CACNA2D3: variants seen among roughly 807,000 people sequenced by gnomAD.
CACNA2D3 encodes the protein voltage-dependent calcium channel subunit alpha-2/delta-3.
In CACNA2D3, 60 loss-of-function variants were observed where a neutral mutation model predicts 160.6. The ratio of observed to expected loss-of-function variants is 0.37; its 90% CI spans 0.30 to 0.46. The LOEUF (loss-of-function observed/expected upper bound fraction) is 0.46. Ranked by LOEUF, CACNA2D3 falls within the 20% of genes least tolerant of loss-of-function variation. The pLI is 1.00. For missense variants in CACNA2D3, 1,205 were observed against 1,365.0 expected, an observed-to-expected ratio of 0.88 and a Z score of 1.85; for synonymous variants, 558 against 492.9, an observed-to-expected ratio of 1.13 and a Z score of -1.75.
intron 27 of CACNA2D3, among the ~76,000 whole-genome samples, chr3:54,945,362 A>T (rs1701586871): frequency 6.6e-6 from 1 of 152,188 alleles, no homozygotes; most frequent in Non-Finnish European, 1.5e-5. Flanking sequence ...CTTGGCCTCG[A>T]AAGTGGCCAA....
intron 2 of CACNA2D3, among the ~76,000 whole-genome samples, chr3:54,142,046 T>A (rs1404330630): frequency 6.6e-6 from 1 of 152,222 alleles, no homozygotes; most frequent in Admixed American, 6.5e-5. Flanking sequence ...CCTGAAGACC[T>A]GCTCTGGTCT....
chr3:54,785,195 T>C (rs1049413202), intron 13 of CACNA2D3, among the ~76,000 whole-genome samples: 4 of 152,260 alleles, frequency 2.6e-5, no homozygotes, highest in Admixed American at 6.5e-5. Context: ...CTGAAAGATA[T>C]GTTTCTGCCA....
intron 2 of CACNA2D3, among the ~76,000 whole-genome samples, chr3:54,208,947 T>C (rs1701322069): frequency 6.6e-6 from 1 of 152,108 alleles, no homozygotes; most frequent in Non-Finnish European, 1.5e-5. Flanking sequence ...TCTTACATGG[T>C]GGCAGACAAG....
rs1408536918 is a variant in CACNA2D3 at position 54,562,905 on chromosome 3, C to G, written c.650C>G (p.Ala217Gly). 11 of 1,613,556 alleles carry G rather than the reference C, an allele frequency of 6.8e-6. No individual in the cohort carries two copies. Among genetic ancestry groups the G allele is most frequent in the Non-Finnish European group, 8.5e-6 (10 of 1,179,702 alleles). Reference protein sequence around the residue: ...PSLIWQYFGSAKGFFRQYPGI... With the variant: ...PSLIWQYFGSGKGFFRQYPGI... ...CTCATATGGCAGTACTTTGGAAGTG[C>G]AAAGGGCTTTTTTAGGCAGTATCCG... Residue 217 changes from alanine (A) to glycine (G), a missense_variant, in exon 6 of 38, where the codon GCA becomes GGA. This residue lies in a region of CACNA2D3 where 131 missense variants were observed against 201.5 expected (regional missense o/e 0.65). Coordinates refer to ENST00000474759, the MANE Select transcript of CACNA2D3 (RefSeq NM_018398.3).
chr3:54,691,704 G>T (rs538864145), intron 11 of CACNA2D3, among the ~76,000 whole-genome samples: 1 of 152,200 alleles, frequency 6.6e-6, no homozygotes, highest in Non-Finnish European at 1.5e-5. Context: ...AGAGGAGCCA[G>T]CTCTGGGGCC....
At chr3:54,662,119 A>C (rs1184124362) in intron 11 of CACNA2D3, among the ~76,000 whole-genome samples, 1 of 151,970 alleles carries the variant, frequency 6.6e-6, no homozygotes, top group Admixed American at 6.6e-5. Flanking sequence ...CCCAATGCTC[A>C]GTTCGTTAGC....
chr3:54,816,037 C>T (rs1053430077), intron 13 of CACNA2D3, among the ~76,000 whole-genome samples: 4 of 152,246 alleles, frequency 2.6e-5, no homozygotes, highest in African/African-American at 7.2e-5. Context: ...AAATATGTCT[C>T]GTAAATGTTG....
At chr3:54,380,903 C>G (rs1699092943) in intron 3 of CACNA2D3, among the ~76,000 whole-genome samples, 1 of 152,134 alleles carries the variant, frequency 6.6e-6, no homozygotes, top group Non-Finnish European at 1.5e-5. Context: ...ATCTCTAACT[C>G]TGGTATTAAT....
chr3:55,053,499 T>C (rs1408931404), intron 35 of CACNA2D3, among the ~76,000 whole-genome samples: 2 of 151,990 alleles, frequency 1.3e-5, no homozygotes, highest in African/African-American at 4.8e-5. Context: ...TTCAGTAGTA[T>C]ATAGTTCCTG....
chr3:55,036,475 T>C (rs1703818379), intron 35 of CACNA2D3, among the ~76,000 whole-genome samples: 1 of 151,986 alleles, frequency 6.6e-6, no homozygotes, highest in Non-Finnish European at 1.5e-5. Context: ...TTTTTTATTT[T>C]TTATTTTTTT....
At chr3:54,360,283 G>T (rs1698719537) in intron 3 of CACNA2D3, among the ~76,000 whole-genome samples, 1 of 152,182 alleles carries the variant, frequency 6.6e-6, no homozygotes, top group South Asian at 2.1e-4. Flanking sequence ...CAGAGTAAGA[G>T]AATTATCTGT....
chr3:54,688,979 C>CAAAAAA lies in CACNA2D3; in HGVS notation c.1167+46765_1167+46770dup, dbSNP rs1162900126. Among the ~76,000 whole-genome samples the CAAAAAA allele has an allele frequency of 1.1e-3, 35 of 31,438 alleles. No individual in the cohort carries two copies. The East Asian group carries it at 0.011, about 10-fold the overall frequency. The allele number at this position is 31,438 out of a possible 152,430, so 20.6% of individuals were successfully genotyped here. On this transcript the variant is annotated intron_variant, in intron 11 of 37. Coordinates refer to ENST00000474759, the MANE Select transcript of CACNA2D3 (RefSeq NM_018398.3). ...CCTGGGAGACAGTGTGAGACTGTCT[C>CAAAAAA]AAAAAAAAAAAAAAAAAAAAAAAAA...
intron 4 of CACNA2D3, among the ~76,000 whole-genome samples, chr3:54,461,141 G>T (rs1200836029): frequency 6.6e-6 from 1 of 152,116 alleles, no homozygotes; most frequent in Non-Finnish European, 1.5e-5. Context: ...TGATCATGGT[G>T]GATAAGCTTT....
intron 13 of CACNA2D3, among the ~76,000 whole-genome samples, chr3:54,801,526 C>G (rs1702987427): frequency 6.6e-6 from 1 of 151,986 alleles, no homozygotes; most frequent in African/African-American, 2.4e-5. Context: ...GCCTAGATCT[C>G]TAATAATAAG....
chr3:54,813,310 G>A (rs1703369750), intron 13 of CACNA2D3, among the ~76,000 whole-genome samples: 1 of 152,160 alleles, frequency 6.6e-6, no homozygotes, highest in South Asian at 2.1e-4. Context: ...CTGACAAGGT[G>A]GCTTTGAAGA....
At chr3:54,460,335 G>A (rs1255762030) in intron 4 of CACNA2D3, among the ~76,000 whole-genome samples, 6 of 152,158 alleles carry the variant, frequency 3.9e-5, no homozygotes, top group Non-Finnish European at 5.9e-5. Flanking sequence ...GCTTGAAGGG[G>A]ATGGCATTGA....
At chr3:54,293,601 G>A (rs1215744768) in intron 2 of CACNA2D3, among the ~76,000 whole-genome samples, 1 of 151,198 alleles carries the variant, frequency 6.6e-6, no homozygotes, top group Non-Finnish European at 1.5e-5. Context: ...TCCATGCAGT[G>A]GAATACTATT....
chr3:54,806,001 A>G (rs2106684631), intron 13 of CACNA2D3, among the ~76,000 whole-genome samples: 1 of 152,314 alleles, frequency 6.6e-6, no homozygotes, highest in South Asian at 2.1e-4. Flanking sequence ...AAAATTCAAC[A>G]ACCCTTCATG....
intron 31 of CACNA2D3, among the ~76,000 whole-genome samples, chr3:54,994,495 T>G (rs1315791426): frequency 1.3e-5 from 2 of 152,170 alleles, no homozygotes; most frequent in Admixed American, 6.5e-5. Flanking sequence ...GGCCAAACTT[T>G]CTGGAAGGCA....
Sources: gnomAD v4.1 joint callset for allele counts (sites outside exome capture counted in the v4.1 genomes callset) on GRCh38, gnomAD v4.1.1 for gene constraint, gnomAD v4.1.1 regional missense constraint, MANE v1.5 for transcripts, NCBI Gene and HGNC (gene_info 2026-07-23, HGNC 2026-07-21) for gene names.